The following FAM107B variants were observed in gnomAD, a reference collection of about 807,000 sequenced individuals.
The protein encoded by FAM107B is family with sequence similarity 107 member B, also known as protein FAM107B.
In FAM107B, 21 loss-of-function variants were observed where a neutral mutation model predicts 31.5. The ratio of observed to expected loss-of-function variants is 0.67; its 90% confidence interval spans 0.47 to 0.96. FAM107B has a LOEUF of 0.96. FAM107B is among the 40% of genes least tolerant of loss of function. The probability of loss-of-function intolerance (pLI) is 0.00; values close to 1 mark genes in which losing one functional copy is unlikely to be tolerated. For missense variants in FAM107B, 452 were observed against 377.1 expected, an observed-to-expected ratio of 1.20 and a Z score of -1.64; for synonymous variants, 157 against 141.5, an observed-to-expected ratio of 1.11 and a Z score of -0.78.
intron 1 of FAM107B, among the ~76,000 whole-genome samples, chr10:14,769,024 C>A (rs1833242357): frequency 6.6e-6 from 1 of 152,218 alleles, no homozygotes; most frequent in Non-Finnish European, 1.5e-5. Context: ...ATGTTGTCCC[C>A]ACTGTGTGTT....
At chr10:14,743,077 T>C (rs910163656) in intron 1 of FAM107B, among the ~76,000 whole-genome samples, 2 of 152,252 alleles carry the variant, frequency 1.3e-5, no homozygotes, top group African/African-American at 4.8e-5. Context: ...TGGCATTAGA[T>C]GGTCTCTCAT....
At position 14,693,857 on chromosome 10, in the gene FAM107B, G is replaced by T. The variant is rs561721370; in HGVS notation, c.412-26166C>A. 4.8e-4 allele frequency among the ~76,000 whole-genome samples: 73 copies of T among 152,318 alleles called. No individual in the cohort carries two copies. In the South Asian group the frequency reaches 0.013, roughly 28 times the overall value. ...TCCATATGTAAGTGACCATGTAATA[G>T]TGTAAACAGTATTTGCTTTTCCACA... On this transcript the variant is annotated intron_variant, in intron 1 of 4. Transcript: ENST00000181796.
chr10:14,639,153 C>A (rs1853572810), intron 2 of FAM107B, among the ~76,000 whole-genome samples: 1 of 152,082 alleles, frequency 6.6e-6, no homozygotes, highest in Non-Finnish European at 1.5e-5. Context: ...GTGATGGCAC[C>A]ACTGCACTGC....
intron 2 of FAM107B, among the ~76,000 whole-genome samples, chr10:14,586,292 T>C (rs1851832985): frequency 6.6e-6 from 1 of 151,994 alleles, no homozygotes; most frequent in African/African-American, 2.4e-5. Context: ...ATCCTACCTG[T>C]AGCAAAGAAC....
At chr10:14,533,763 C>T (rs1271633607) in intron 2 of FAM107B, among the ~76,000 whole-genome samples, 1 of 152,202 alleles carries the variant, frequency 6.6e-6, no homozygotes, top group Non-Finnish European at 1.5e-5. Context: ...AATGAAATGA[C>T]TTTAGTTCTG....
chr10:14,522,491 A>G (rs1476456901), intron 3 of FAM107B, among the ~76,000 whole-genome samples: 2 of 151,636 alleles, frequency 1.3e-5, no homozygotes, highest in African/African-American at 4.9e-5. Flanking sequence ...TCTAGGCTCA[A>G]TGCAACCTCC....
At chr10:14,591,807 T>A in intron 2 of FAM107B, among the ~76,000 whole-genome samples, 1 of 152,142 alleles carries the variant, frequency 6.6e-6, no homozygotes, top group East Asian at 1.9e-4. Flanking sequence ...CTGATCAAGC[T>A]TTCATGATAA....
At chr10:14,654,280 C>T (rs573107773) in intron 2 of FAM107B, among the ~76,000 whole-genome samples, 4 of 152,286 alleles carry the variant, frequency 2.6e-5, no homozygotes, top group South Asian at 2.1e-4. Flanking sequence ...GCTGAGTTTG[C>T]TCTGGTTGTA....
chr10:14,681,894 A>C (rs1253395698), intron 1 of FAM107B, among the ~76,000 whole-genome samples: 1 of 152,212 alleles, frequency 6.6e-6, no homozygotes, highest in East Asian at 1.9e-4. Flanking sequence ...ATAGCGAGAG[A>C]GTTTAGTGTC....
chr10:14,644,642 T>C (rs1355676083), intron 2 of FAM107B, among the ~76,000 whole-genome samples: 1 of 152,264 alleles, frequency 6.6e-6, no homozygotes, highest in Non-Finnish European at 1.5e-5. Context: ...TCAATTTCTT[T>C]ACCCATAAAG....
At chr10:14,554,197 G>A in intron 2 of FAM107B, 1 of 975,986 alleles carries the variant, frequency 1.0e-6, no homozygotes. Context: ...CCCTCCCACT[G>A]CCTTACTCCA....
rs185852595 is a variant in FAM107B, at chr10:14,537,302, T to C, written c.470-6787A>G. On this transcript the variant is annotated intron_variant, in intron 2 of 4. Coordinates refer to ENST00000181796, the MANE Select transcript of FAM107B (RefSeq NM_031453.4). ...AGCTGGTGTCCATGTCACCTGGGGG[T>C]ATATGTAAGCTTCCCCTGTCACTTG... Among the ~76,000 whole-genome samples, 105 of 152,010 alleles carry C rather than the reference T, an allele frequency of 6.9e-4. 1 individual carries two copies. Among genetic ancestry groups the C allele is most frequent in the South Asian group, 8.3e-4 (4 of 4,796 alleles).
chr10:14,739,583 A>G (rs1288801089), intron 1 of FAM107B, among the ~76,000 whole-genome samples: 1 of 151,420 alleles, frequency 6.6e-6, no homozygotes, highest in Non-Finnish European at 1.5e-5. Context: ...CTGACCAATT[A>G]TCATCAGTGC....
chr10:14,725,931 T>C (rs888730339), intron 1 of FAM107B, among the ~76,000 whole-genome samples: 3 of 144,818 alleles, frequency 2.1e-5, no homozygotes, highest in Admixed American at 7.3e-5. Context: ...GTTCAAGCAA[T>C]TCTCCTGCCT....
At chr10:14,620,126 C>A (rs1327948779) in intron 2 of FAM107B, among the ~76,000 whole-genome samples, 1 of 151,092 alleles carries the variant, frequency 6.6e-6, no homozygotes, top group East Asian at 2.0e-4. Context: ...TCAAGCCATT[C>A]TCCTGCCTCA....
intron 2 of FAM107B, among the ~76,000 whole-genome samples, chr10:14,617,471 G>T (rs1852882935): frequency 1.3e-5 from 2 of 152,088 alleles, no homozygotes; most frequent in African/African-American, 2.4e-5. Flanking sequence ...TTTCAAAAAT[G>T]GTCTAAACTG....
chr10:14,655,694 G>A (rs1055325316), intron 2 of FAM107B, among the ~76,000 whole-genome samples: 1 of 152,244 alleles, frequency 6.6e-6, no homozygotes, highest in African/African-American at 2.4e-5. Flanking sequence ...AAGGGAACAG[G>A]AGGAGAGGTG....
chr10:14,670,729 G>A (rs901424215), intron 1 of FAM107B, among the ~76,000 whole-genome samples: 10 of 152,124 alleles, frequency 6.6e-5, no homozygotes, highest in African/African-American at 2.4e-4. Flanking sequence ...GTTTCCCTTT[G>A]ACTAGTAAGA....
intron 2 of FAM107B, chr10:14,553,400 A>T (rs1396762895): frequency 7.9e-7 from 1 of 1,261,932 alleles, no homozygotes; most frequent in East Asian, 5.6e-5. Context: ...TTAAAAAAAA[A>T]ACATAGTGAA....
Sources: allele counts gnomAD v4.1 joint callset (sites outside exome capture counted in the v4.1 genomes callset), GRCh38; gene constraint gnomAD v4.1.1; transcripts MANE v1.5; gene names NCBI Gene and HGNC (gene_info 2026-07-23, HGNC 2026-07-21).